Variants in ZNF2 observed in about 807,000 individuals in gnomAD.
ZNF2 encodes the protein zinc finger protein 2.
ZNF2 carries 12 observed loss-of-function variants against 21.9 expected under a neutral mutation model. The observed-to-expected ratio is 0.55, with a 90% CI of 0.35 to 0.89. The LOEUF (loss-of-function observed/expected upper bound fraction) is 0.89, where lower values mean the gene tolerates loss of function less well. ZNF2 is among the 40% of genes least tolerant of loss of function. ZNF2 has a pLI of 0.01. For synonymous variants in ZNF2, 186 were observed against 196.3 expected, an observed-to-expected ratio of 0.95 and a Z score of 0.44; for missense variants, 462 against 544.2, an observed-to-expected ratio of 0.85 and a Z score of 1.50.
rs1221533983 is a variant in ZNF2, at chr2:95,167,713, G to A, written c.-40+1853G>A. ...AATACAAAAATTAGCAGGGCATGAT[G>A]GCGGGTGCCTGTAATCCCAGCTACT... On this transcript the variant is annotated intron_variant, in intron 1 of 4. Coordinates refer to ENST00000614034, the MANE Select transcript of ZNF2 (RefSeq NM_021088.4). Among the ~76,000 whole-genome samples, 5 of 151,954 alleles carry A rather than the reference G, an allele frequency of 3.3e-5. No individual in the cohort carries two copies. In the East Asian group the frequency reaches 9.7e-4, roughly 29 times the overall value.
In ZNF2 at chr2:95,182,219, T is replaced by C. The variant is rs184260399; in HGVS notation, c.*113T>C. Reference sequence around the variant, plus strand: ...ACCCACTCTGGCTGCCGTTGTCCTGTCCTGCTTCTGCGCCAGAGTGTTTAA... The same window carrying C: ...ACCCACTCTGGCTGCCGTTGTCCTGCCCTGCTTCTGCGCCAGAGTGTTTAA... On this transcript the variant is annotated 3_prime_UTR_variant, in exon 5 of 5. Coordinates refer to ENST00000614034, the MANE Select transcript of ZNF2 (RefSeq NM_021088.4). The C allele has an allele frequency of 6.2e-4, 833 of 1,351,244 alleles. 3 individuals are homozygous for C. In the East Asian group the frequency reaches 7.7e-3, roughly 13 times the overall value. 83.7% of individuals were successfully genotyped at this position (1,351,244 alleles called of 1,614,324 possible).
intron 1 of ZNF2, among the ~76,000 whole-genome samples, chr2:95,175,883 G>A (rs1238545181): frequency 6.6e-6 from 1 of 152,112 alleles, no homozygotes; most frequent in East Asian, 1.9e-4. Flanking sequence ...GGGCAATATT[G>A]AATGTGAATT....
At chr2:95,173,483 A>G (rs1674349007) in intron 1 of ZNF2, among the ~76,000 whole-genome samples, 1 of 152,168 alleles carries the variant, frequency 6.6e-6, no homozygotes, top group African/African-American at 2.4e-5. Context: ...TTTTCATGAA[A>G]ATAAATCATG....
intron 3 of ZNF2, 23 bp downstream of exon 3, chr2:95,177,632 G>A (rs1674492508): frequency 2.5e-6 from 4 of 1,612,006 alleles, no homozygotes; most frequent in African/African-American, 1.3e-5. Flanking sequence ...TCCATGAGGA[G>A]GTACAGTCTG....
Position 95,182,361 on chromosome 2 carries a change from A to G in ZNF2, c.*255A>G. On this transcript the variant is annotated 3_prime_UTR_variant, in exon 5 of 5. Coordinates refer to ENST00000614034, the MANE Select transcript of ZNF2 (RefSeq NM_021088.4). ...AATAGGATAGATGTTAGGAGGAGAC[A>G]CACCTCTTGTCTGAGAACCTAGGCC... The G allele has an allele frequency of 2.5e-6, 1 of 407,802 alleles. No homozygotes were observed. The highest frequency in any genetic ancestry group is 4.3e-6 in the Non-Finnish European group (1 of 230,354). 25.3% of individuals were successfully genotyped at this position (407,802 alleles called of 1,614,324 possible). A position where few individuals can be genotyped will look rare whatever the true frequency, so the allele number is the denominator to read the frequency against.
chr2:95,174,259 G>T (rs1017941056), intron 1 of ZNF2, among the ~76,000 whole-genome samples: 2 of 152,128 alleles, frequency 1.3e-5, no homozygotes, highest in Non-Finnish European at 2.9e-5. Flanking sequence ...AAATTCCTAG[G>T]AGAGAATTGC....
At chr2:95,168,240 A>T (rs1012438899) in intron 1 of ZNF2, among the ~76,000 whole-genome samples, 1 of 152,022 alleles carries the variant, frequency 6.6e-6, no homozygotes, top group Non-Finnish European at 1.5e-5. Flanking sequence ...TCCTGGCCAA[A>T]ATGGTGAAAC....
At chr2:95,167,772 G>A (rs1247725440) in intron 1 of ZNF2, among the ~76,000 whole-genome samples, 3 of 151,328 alleles carry the variant, frequency 2.0e-5, no homozygotes, top group African/African-American at 4.9e-5. Context: ...ACTTGAGCCC[G>A]AGAGGTGGAG....
At chr2:95,177,668 G>A in intron 3 of ZNF2, 59 bp downstream of exon 3, 3 of 1,557,170 alleles carry the variant, frequency 1.9e-6, no homozygotes, top group Non-Finnish European at 2.6e-6. Context: ...GGGCTGAGAG[G>A]GCTGAGGAAT....
At chr2:95,175,167 G>A (rs1423969399) in intron 1 of ZNF2, among the ~76,000 whole-genome samples, 1 of 152,100 alleles carries the variant, frequency 6.6e-6, no homozygotes, top group Non-Finnish European at 1.5e-5. Context: ...GTGCCACCGT[G>A]CCTGGTCTGT....
chr2:95,167,869 T>A lies in ZNF2; in HGVS notation c.-40+2009T>A, dbSNP rs1377877676. 2.7e-5 allele frequency among the ~76,000 whole-genome samples: 4 copies of A among 148,124 alleles called. No homozygotes were observed. The East Asian group carries it at 8.0e-4, about 30-fold the overall frequency. On this transcript the variant is annotated intron_variant, in intron 1 of 4. Transcript: ENST00000614034. The stretch of plus-strand genomic sequence containing the variant: ...TCTCAAAAAAAAAAAAAAAAAGTAG[T>A]TTTCAAGCATGCCATTTCAGGTGTG...
At chr2:95,165,951 G>C (rs993978918) in intron 1 of ZNF2, 91 bp downstream of exon 1, 3 of 152,228 alleles carry the variant, frequency 2.0e-5, no homozygotes, top group African/African-American at 7.2e-5. Context: ...TGCTGTGGGA[G>C]CAAAACGGGG....
chr2:95,182,253 CCCTT>C lies in ZNF2; in HGVS notation c.*151_*154del. Reference sequence around the variant, plus strand: ...TGCGCCAGAGTGTTTAATAAGCACTCCCTTCCTGCTGTGTTATAGAACTGTAGGG... The same window carrying C: ...TGCGCCAGAGTGTTTAATAAGCACTCCCTGCTGTGTTATAGAACTGTAGGG... On this transcript the variant is annotated 3_prime_UTR_variant, in exon 5 of 5. Transcript: ENST00000614034. The C allele has an allele frequency of 8.0e-6, 8 of 999,480 alleles. No homozygotes were observed. The South Asian group carries it at 1.4e-4, about 17-fold the overall frequency. The allele number at this position is 999,480 out of a possible 1,614,324, so 61.9% of individuals were successfully genotyped here. A position where few individuals can be genotyped will look rare whatever the true frequency, so the allele number is the denominator to read the frequency against.
At position 95,165,814 on chromosome 2, in the gene ZNF2, C is replaced by T. The variant is rs1674004759; in HGVS notation, c.-86C>T. 1 of 152,342 alleles carries T rather than the reference C, an allele frequency of 6.6e-6. No individual in the cohort carries two copies. Among genetic ancestry groups the T allele is most frequent in the Admixed American group, 6.5e-5 (1 of 15,284 alleles). The allele number at this position is 152,342 out of a possible 1,614,324, so 9.4% of individuals were successfully genotyped here. A position where few individuals can be genotyped will look rare whatever the true frequency, so the allele number is the denominator to read the frequency against. On this transcript the variant is annotated 5_prime_UTR_variant, in exon 1 of 5. Transcript: ENST00000614034. ...GTGCGCAGGCGCGTTGGTTTCCCGA[C>T]CTGAAGAGGCGCCGTCTTCCCGGGT... is the stretch of plus-strand genomic sequence containing the variant.
At chr2:95,169,068 TG>T (rs1674185612) in intron 1 of ZNF2, among the ~76,000 whole-genome samples, 1 of 152,222 alleles carries the variant, frequency 6.6e-6, no homozygotes, top group African/African-American at 2.4e-5. Flanking sequence ...AGGTGGTTCT[TG>T]GCTAGCAGTA....
At position 95,172,987 on chromosome 2, in the gene ZNF2, A is replaced by G. The variant is rs555681334; in HGVS notation, c.-39-3201A>G. Among the ~76,000 whole-genome samples, 16 of 151,266 alleles carry G rather than the reference A, an allele frequency of 1.1e-4. 2 individuals are homozygous for G. In the East Asian group the frequency reaches 1.7e-3, roughly 16 times the overall value. On this transcript the variant is annotated intron_variant, in intron 1 of 4. Coordinates refer to ENST00000614034, the MANE Select transcript of ZNF2 (RefSeq NM_021088.4). Reference sequence around the variant, plus strand: ...TTGATTTTTTTTTTTTTTGTAAGAAACAAAGCATTACAGATAAAGCTGAAG... The same window carrying G: ...TTGATTTTTTTTTTTTTTGTAAGAAGCAAAGCATTACAGATAAAGCTGAAG...
At chr2:95,171,464 C>T (rs574310180) in intron 1 of ZNF2, among the ~76,000 whole-genome samples, 2 of 150,790 alleles carry the variant, frequency 1.3e-5, no homozygotes, top group African/African-American at 2.4e-5. Flanking sequence ...CTCACTGCAA[C>T]CTTTGCCTCC....
intron 1 of ZNF2, among the ~76,000 whole-genome samples, chr2:95,169,001 C>T (rs1391373233): frequency 1.3e-5 from 2 of 152,192 alleles, no homozygotes; most frequent in Non-Finnish European, 2.9e-5. Flanking sequence ...ATTTAGGGGA[C>T]ATTTTCTCCA....
Position 95,181,691 on chromosome 2 carries a change from A to G in ZNF2, c.863A>G (p.His288Arg). The G allele has an allele frequency of 1.2e-6, 2 of 1,614,210 alleles. No homozygotes were observed. Among genetic ancestry groups the G allele is most frequent in the Non-Finnish European group, 1.7e-6 (2 of 1,180,040 alleles). ...ACTGGAGAAAGTCCTTATGAATGTC[A>G]TCAGTGTGGGAAAGCCTTTAGCCAG... The part of the protein sequence containing the change: ...IHTGESPYEC[H>R]QCGKAFSQKS... Residue 288 changes from histidine (H) to arginine (R), a missense_variant, in exon 5 of 5, where the codon CAT (histidine) becomes CGT (arginine). His to Arg is a conservative substitution (Grantham distance 29). Coordinates refer to ENST00000614034, the MANE Select transcript of ZNF2 (RefSeq NM_021088.4).
Sources: allele counts gnomAD v4.1 joint callset (sites outside exome capture counted in the v4.1 genomes callset), GRCh38; gene constraint gnomAD v4.1.1; transcripts MANE v1.5; gene names NCBI Gene and HGNC (gene_info 2026-07-23, HGNC 2026-07-21).